POLG: variants seen among roughly 807,000 people sequenced by gnomAD.
POLG encodes the protein DNA polymerase gamma, catalytic subunit, also known as DNA polymerase subunit gamma-1.
Under a neutral mutation model 155.4 loss-of-function variants are expected in POLG, and 110 were observed. That is an observed-to-expected ratio of 0.71 (90% CI 0.61 to 0.83). The LOEUF (loss-of-function observed/expected upper bound fraction) is 0.83. POLG is among the 40% of genes least tolerant of loss of function. The pLI is 0.00. For synonymous variants in POLG, 701 were observed against 631.5 expected (o/e 1.11, Z -1.65); for missense variants, 1,685 against 1,627.5 (o/e 1.04, Z -0.61).
At chr15:89,326,533 C>G in intron 9 of POLG, 79 bp downstream of exon 9, 1 of 1,519,034 alleles carries the variant, frequency 6.6e-7, no homozygotes, top group African/African-American at 1.4e-5. Flanking sequence ...GCCTCTGTGC[C>G]AGAACCCAGA....
intron 11 of POLG, 25 bp downstream of exon 11, chr15:89,324,082 G>A: frequency 6.2e-7 from 1 of 1,613,754 alleles, no homozygotes; most frequent in Non-Finnish European, 8.5e-7. Context: ...CCTCCCCAAA[G>A]CTCAGGTTCA....
intron 10 of POLG, 28 bp downstream of exon 10, chr15:89,325,422 C>A: frequency 1.3e-6 from 2 of 1,507,002 alleles, no homozygotes; most frequent in Non-Finnish European, 1.8e-6. Context: ...AGGCTCCAGC[C>A]CCTTCCTCCC....
At position 89,321,952 on chromosome 15, in the gene POLG, C is replaced by G. The variant is rs1277731907; in HGVS notation, c.2480+10G>C. The G allele has an allele frequency of 3.1e-6, 5 of 1,613,900 alleles. No individual in the cohort carries two copies. Among genetic ancestry groups the G allele is most frequent in the Non-Finnish European group, 4.2e-6 (5 of 1,179,778 alleles). ...TTCTCCTATCCCTACAACCACTCAG[C>G]AGACCATACCTGATCACAGCACGGG... On this transcript the variant is annotated intron_variant, in intron 15 of 22. Coordinates refer to ENST00000268124, the MANE Select transcript of POLG (RefSeq NM_002693.3).
Position 89,316,335 on chromosome 15 carries a change from T to G in POLG, c.*416A>C. 1 of 1,521,614 alleles carries G rather than the reference T, an allele frequency of 6.6e-7. No individual in the cohort carries two copies. Among genetic ancestry groups the G allele is most frequent in the South Asian group, 1.2e-5 (1 of 84,278 alleles). The allele number at this position is 1,521,614 out of a possible 1,614,324, so 94.3% of individuals were successfully genotyped here. A position where few individuals can be genotyped will look rare whatever the true frequency, so the allele number is the denominator to read the frequency against. The stretch of plus-strand genomic sequence containing the variant: ...AGATAGAGTCTTTTTTTTCCTTCTT[T>G]TTATTTCCACTGCCTTGGAGCAGGT... On this transcript the variant is annotated 3_prime_UTR_variant, in exon 23 of 23. Transcript: ENST00000268124.
At chr15:89,328,391 T>A (rs1181535797) in intron 6 of POLG, 65 bp downstream of exon 6, 2 of 1,288,454 alleles carry the variant, frequency 1.6e-6, no homozygotes, top group African/African-American at 1.5e-5. Flanking sequence ...GCCACCTGAT[T>A]ACAGTGGGCC....
At position 89,326,594 on chromosome 15, in the gene POLG, G is replaced by T; in HGVS notation, c.1712+18C>A. On this transcript the variant is annotated intron_variant, in intron 9 of 22. Transcript: ENST00000268124. ...AGGGTAGACTCTAGATACACTGCTG[G>T]GGGTGGGCAGGGCTCACCCAGGGTG... 1 of 1,612,402 alleles carries T rather than the reference G, an allele frequency of 6.2e-7. No individual in the cohort carries two copies.
Position 89,321,292 on chromosome 15 carries a change from T to C in POLG, c.2599-32A>G, listed in dbSNP as rs1418630632. 15 of 1,612,138 alleles carry C rather than the reference T, an allele frequency of 9.3e-6. No individual in the cohort carries two copies. The East Asian group carries it at 3.3e-4, about 36-fold the overall frequency. ...GAAGAGTGAGATACCCAAATGAGAC[T>C]CTTCCTACCCCATTCCTGGAGCCAG... is the stretch of plus-strand genomic sequence containing the variant. On this transcript the variant is annotated intron_variant, in intron 16 of 22. Transcript: ENST00000268124.
rs1567186614 is a variant in POLG at position 89,320,920 on chromosome 15, G to A, written c.2827C>T (p.Arg943Cys). The change falls in exon 18 of 23, where the codon CGT (arginine) becomes TGT (cysteine). Residue 943 changes from arginine (R) to cysteine (C), a missense_variant. By Grantham distance (180) the Arg-to-Cys change is radical. This residue lies in a region of POLG where 470 missense variants were observed against 439.9 expected (regional missense o/e 1.07). Coordinates refer to ENST00000268124, the MANE Select transcript of POLG (RefSeq NM_002693.3). ...TAGTTGAAGATTTTGGCATGCTCACGGCTGATGCCCACAGTAGTGGCTGTC... is the reference window on the plus strand; with the variant it reads ...TAGTTGAAGATTTTGGCATGCTCACAGCTGATGCCCACAGTAGTGGCTGTC... ...SKTATTVGISREHAKIFNYGR... is the reference protein window; with the variant it reads ...SKTATTVGISCEHAKIFNYGR... 1 of 1,613,996 alleles carries A rather than the reference G, an allele frequency of 6.2e-7. No individual in the cohort carries two copies. The highest frequency in any genetic ancestry group is 8.5e-7 in the Non-Finnish European group (1 of 1,180,022).
chr15:89,317,264 G>T, intron 22 of POLG, 112 bp downstream of exon 22: 1 of 883,568 alleles, frequency 1.1e-6, no homozygotes, highest in Non-Finnish European at 1.9e-6. Flanking sequence ...CTAGAATATA[G>T]CCTGAGTCAA....
chr15:89,319,898 T>G (rs1164664871), intron 18 of POLG, among the ~76,000 whole-genome samples: 1 of 152,088 alleles, frequency 6.6e-6, no homozygotes, highest in Non-Finnish European at 1.5e-5. Flanking sequence ...GCCTGAAGGC[T>G]CCAGAGACAC....
intron 3 of POLG, 80 bp downstream of exon 3, chr15:89,330,001 G>C (rs1596360199): frequency 1.7e-6 from 2 of 1,200,924 alleles, no homozygotes; most frequent in Non-Finnish European, 2.5e-6. Context: ...GCCAGGAAAG[G>C]AGTACCTCCC....
intron 10 of POLG, 59 bp from the exon 11 acceptor site, chr15:89,324,286 G>T: frequency 6.3e-7 from 1 of 1,595,260 alleles, no homozygotes. Flanking sequence ...CTCTGGGCCA[G>T]GCAGCTTGCT....
At chr15:89,321,055 C>G (rs770671583) in intron 17 of POLG, 43 bp from the exon 18 acceptor site, 25 of 1,612,198 alleles carry the variant, frequency 1.6e-5, no homozygotes, top group Non-Finnish European at 1.8e-5. Flanking sequence ...CAGGAACATT[C>G]TGCCCAATGT....
In POLG at chr15:89,321,818, G is replaced by T; in HGVS notation, c.2516C>A (p.Ala839Asp). The change falls in exon 16 of 23, where the codon GCC (alanine) becomes GAC (aspartate). Residue 839 changes from alanine (A) to aspartate (D), a missense_variant. Ala to Asp is a moderately radical substitution (Grantham distance 126). This residue lies in a region of POLG where 1,210 missense variants were observed against 1,167.1 expected (regional missense o/e 1.04). Transcript: ENST00000268124. ...PDYDEEGLYG[A>D]ILPQVVTAGT... is the part of the protein sequence containing the mutation. ...GGCAGTCACCACTTGGGGCAGGATG[G>T]CCCCATAGAGGCCTTCCTCATCATA... 1 of 1,614,102 alleles carries T rather than the reference G, an allele frequency of 6.2e-7. No individual in the cohort carries two copies. The highest frequency in any genetic ancestry group is 1.7e-5 in the Admixed American group (1 of 60,034).
intron 8 of POLG, 68 bp from the exon 9 acceptor site, chr15:89,326,806 C>T (rs1304394421): frequency 6.2e-7 from 1 of 1,611,790 alleles, no homozygotes; most frequent in East Asian, 2.2e-5. Flanking sequence ...CTCCCACCCG[C>T]TCATCTCCAG....
In POLG at chr15:89,334,812, A is replaced by G. The variant is rs2055651241; in HGVS notation, c.-299T>C. 6.6e-6 allele frequency: 1 copy of G among 152,296 alleles called. No homozygotes were observed. The highest frequency in any genetic ancestry group is 2.4e-5 in the African/African-American group (1 of 41,474). The allele number at this position is 152,296 out of a possible 1,614,324, so 9.4% of individuals were successfully genotyped here. On this transcript the variant is annotated 5_prime_UTR_variant, in exon 1 of 23. Transcript: ENST00000268124. Reference sequence around the variant, plus strand: ...CCGGTCCGCTTCGCTGGCAGCCGCAACTTCCCGTCTGCACCCAGCTAGGTC... The same window carrying G: ...CCGGTCCGCTTCGCTGGCAGCCGCAGCTTCCCGTCTGCACCCAGCTAGGTC...
At chr15:89,325,405 G>T in intron 10 of POLG, 45 bp downstream of exon 10, 1 of 1,356,572 alleles carries the variant, frequency 7.4e-7, no homozygotes, top group Non-Finnish European at 1.0e-6. Flanking sequence ...CAGGGGAAGG[G>T]GTCCCTAGGC....
chr15:89,321,025 C>G lies in POLG; in HGVS notation c.2735-13G>C. The G allele has an allele frequency of 6.2e-7, 1 of 1,614,132 alleles. No homozygotes were observed. On this transcript the variant is annotated splice_polypyrimidine_tract_variant and intron_variant, in intron 17 of 22. Transcript: ENST00000268124. ...AAGGCTGTGCAGCCTGGAAGACAAG[C>G]AGGAGTGAGAAAAGCAGCTCAGGAA... is the stretch of plus-strand genomic sequence containing the variant.
In POLG at chr15:89,327,186, G is replaced by T; in HGVS notation, c.1414C>A (p.Gln472Lys). 6.2e-7 allele frequency: 1 copy of T among 1,614,244 alleles called. No homozygotes were observed. Among genetic ancestry groups the T allele is most frequent in the Non-Finnish European group, 8.5e-7 (1 of 1,180,036 alleles). Reference sequence around the variant, plus strand: ...GGCTACCTCTCTCCTGAGAGCAGCTGGCAGGCATCATTGGCCAGATCCATC... The same window carrying T: ...GGCTACCTCTCTCCTGAGAGCAGCTTGCAGGCATCATTGGCCAGATCCATC... ...SLMDLANDAC[Q>K]LLSGERYKED... The change falls in exon 7 of 23, where the codon CAG (glutamine) becomes AAG (lysine). Residue 472 changes from glutamine to lysine, a missense_variant. Physicochemically the swap from Gln to Lys is moderately conservative, Grantham distance 53 (BLOSUM62 1). This residue lies in a region of POLG where 1,210 missense variants were observed against 1,167.1 expected (regional missense o/e 1.04). Transcript: ENST00000268124.
Sources: allele counts gnomAD v4.1 joint callset (sites outside exome capture counted in the v4.1 genomes callset), GRCh38; gene constraint gnomAD v4.1.1; regional missense constraint gnomAD v4.1.1; transcripts MANE v1.5; gene names NCBI Gene and HGNC (gene_info 2026-07-23, HGNC 2026-07-21).